BCHE: variants seen among roughly 807,000 people sequenced by gnomAD.
The protein encoded by BCHE is butyrylcholinesterase.
Under a neutral mutation model 51.3 loss-of-function variants are expected in BCHE, and 48 were observed. The ratio of observed to expected loss-of-function variants is 0.94; its 90% CI spans 0.74 to 1.19. The LOEUF is 1.19. BCHE is among the 50% of genes most tolerant of loss of function. The probability of loss-of-function intolerance (pLI) is 0.00; values close to 1 mark genes in which losing one functional copy is unlikely to be tolerated. For synonymous variants in BCHE, 251 were observed against 238.0 expected (o/e 1.05, Z -0.50); for missense variants, 847 against 708.2 (o/e 1.20, Z -2.23).
At chr3:165,824,257 A>G (rs1054019795) in intron 2 of BCHE, among the ~76,000 whole-genome samples, 1 of 151,896 alleles carries the variant, frequency 6.6e-6, no homozygotes, top group Admixed American at 6.6e-5. Context: ...GGAATGCAAG[A>G]TTGTTTTAAT....
chr3:165,790,337 G>C (rs561621756), intron 2 of BCHE, among the ~76,000 whole-genome samples: 1 of 152,058 alleles, frequency 6.6e-6, no homozygotes, highest in Non-Finnish European at 1.5e-5. Context: ...TAAGTACACC[G>C]GCACAATAGA....
At chr3:165,827,717 T>C (rs1390568976) in intron 2 of BCHE, among the ~76,000 whole-genome samples, 3 of 152,056 alleles carry the variant, frequency 2.0e-5, no homozygotes, top group Admixed American at 6.6e-5. Flanking sequence ...ATTAAAAACA[T>C]ATATAAATGA....
intron 2 of BCHE, among the ~76,000 whole-genome samples, chr3:165,799,044 C>T (rs540569130): frequency 8.1e-4 from 124 of 152,148 alleles, no homozygotes; most frequent in African/African-American, 2.9e-3. Flanking sequence ...TTCTTTAGTA[C>T]TTATTCAAAA....
At chr3:165,808,636 G>A (rs953987126) in intron 2 of BCHE, among the ~76,000 whole-genome samples, 5 of 151,952 alleles carry the variant, frequency 3.3e-5, no homozygotes, top group Admixed American at 1.3e-4. Flanking sequence ...TATAGATCGG[G>A]TGAGGTGGCT....
chr3:165,795,218 C>G (rs1044511632), intron 2 of BCHE, among the ~76,000 whole-genome samples: 2 of 152,144 alleles, frequency 1.3e-5, no homozygotes, highest in African/African-American at 4.8e-5. Context: ...CTTCAAGTGT[C>G]GTGACATAGC....
chr3:165,810,494 T>C (rs977234566), intron 2 of BCHE, among the ~76,000 whole-genome samples: 4 of 152,174 alleles, frequency 2.6e-5, no homozygotes, highest in Admixed American at 2.6e-4. Flanking sequence ...TTGGTTCTTA[T>C]TTTATCTTTG....
chr3:165,827,961 A>G (rs891942842), intron 2 of BCHE: 1 of 435,024 alleles, frequency 2.3e-6, no homozygotes, highest in African/African-American at 2.0e-5. Flanking sequence ...TCATTAGCCA[A>G]ATATTTGTTA....
chr3:165,806,391 C>T (rs1429477625), intron 2 of BCHE, among the ~76,000 whole-genome samples: 1 of 152,038 alleles, frequency 6.6e-6, no homozygotes, highest in Admixed American at 6.6e-5. Context: ...GTTGTATTTC[C>T]CAAGCCTGTA....
intron 2 of BCHE, among the ~76,000 whole-genome samples, chr3:165,809,131 A>C (rs1209587459): frequency 6.6e-6 from 1 of 152,158 alleles, no homozygotes; most frequent in East Asian, 1.9e-4. Flanking sequence ...TTTTTAATGG[A>C]TATCATAATG....
chr3:165,835,647 T>C (rs1441899853), intron 1 of BCHE, among the ~76,000 whole-genome samples: 2 of 151,838 alleles, frequency 1.3e-5, no homozygotes, highest in African/African-American at 4.8e-5. Context: ...ATTGAGGAAG[T>C]CTGATTATAA....
intron 2 of BCHE, among the ~76,000 whole-genome samples, chr3:165,800,269 G>GT (rs1057281796): frequency 2.0e-5 from 3 of 151,868 alleles, no homozygotes; most frequent in Admixed American, 6.6e-5. Context: ...TCTAACTTCT[G>GT]TTTTTTCACT....
In BCHE at chr3:165,816,410, G is replaced by A. The variant is rs145039107; in HGVS notation, c.1517+13107C>T. 8.6e-3 allele frequency among the ~76,000 whole-genome samples: 1,301 copies of A among 151,922 alleles called. 52 individuals carry two copies. The highest frequency in any genetic ancestry group is 0.07 in the Admixed American group (1,065 of 15,196). On this transcript the variant is annotated intron_variant, in intron 2 of 3. Coordinates refer to ENST00000264381, the MANE Select transcript of BCHE (RefSeq NM_000055.4). ...GCAATATTCCCCATGAAAAAGCAAG[G>A]CCAATCGAAAACACCTCTACCCTCT...
At chr3:165,775,748 ATAAATC>A (rs747053595) in intron 3 of BCHE, among the ~76,000 whole-genome samples, 3 of 151,968 alleles carry the variant, frequency 2.0e-5, no homozygotes, top group Non-Finnish European at 4.4e-5. Flanking sequence ...CAAATGCTCT[ATAAATC>A]TAAATCTGCT....
At chr3:165,783,237 C>T (rs886894653) in intron 3 of BCHE, among the ~76,000 whole-genome samples, 2 of 152,010 alleles carry the variant, frequency 1.3e-5, no homozygotes, top group African/African-American at 4.8e-5. Flanking sequence ...TGCAATAAAT[C>T]TCAATCATTA....
intron 2 of BCHE, among the ~76,000 whole-genome samples, chr3:165,811,642 A>T (rs2108221976): frequency 6.6e-6 from 1 of 152,142 alleles, no homozygotes; most frequent in South Asian, 2.1e-4. Flanking sequence ...TTACATTTTT[A>T]ATTTATAAAT....
intron 2 of BCHE, among the ~76,000 whole-genome samples, chr3:165,818,294 C>A (rs1314965684): frequency 6.6e-6 from 1 of 151,692 alleles, no homozygotes; most frequent in Non-Finnish European, 1.5e-5. Context: ...ATAAAGTTTA[C>A]CTAGTACACT....
rs754108862 is a variant in BCHE at position 165,829,500 on chromosome 3, C to G, written c.1517+17G>C. The G allele has an allele frequency of 1.9e-6, 3 of 1,602,866 alleles. No individual in the cohort carries two copies. Among genetic ancestry groups the G allele is most frequent in the Non-Finnish European group, 2.6e-6 (3 of 1,170,010 alleles). ...ATCAAACCAAGCCAGAGAACAATGACAAAAATCAGCACTTACCCATATTTT... is the reference window on the plus strand; with the variant it reads ...ATCAAACCAAGCCAGAGAACAATGAGAAAAATCAGCACTTACCCATATTTT... On this transcript the variant is annotated intron_variant, in intron 2 of 3. Transcript: ENST00000264381.
intron 2 of BCHE, 35 bp downstream of exon 2, chr3:165,829,482 C>A: frequency 6.4e-7 from 1 of 1,571,086 alleles, no homozygotes; most frequent in Non-Finnish European, 8.8e-7. Context: ...CGGATCAAAC[C>A]AAGCCAGAGA....
intron 2 of BCHE, among the ~76,000 whole-genome samples, chr3:165,789,781 GA>G (rs1306902930): frequency 6.6e-6 from 1 of 151,748 alleles, no homozygotes; most frequent in Non-Finnish European, 1.5e-5. Context: ...GTAAAATAAG[GA>G]ATAGAAGGGC....
Sources: allele counts gnomAD v4.1 joint callset (sites outside exome capture counted in the v4.1 genomes callset), GRCh38; gene constraint gnomAD v4.1.1; transcripts MANE v1.5; gene names NCBI Gene and HGNC (gene_info 2026-07-23, HGNC 2026-07-21).